Variants in PDGFRA observed in about 807,000 individuals in gnomAD.
PDGFRA encodes the protein platelet-derived growth factor receptor alpha.
Under a neutral mutation model 121.5 loss-of-function variants are expected in PDGFRA, and 25 were observed. The ratio of observed to expected loss-of-function variants is 0.21; its 90% CI spans 0.15 to 0.29. PDGFRA has a LOEUF of 0.29. PDGFRA is among the 10% of genes least tolerant of loss of function. The pLI is 1.00. For synonymous variants in PDGFRA, 463 were observed against 494.8 expected, an observed-to-expected ratio of 0.94 and a Z score of 0.85; for missense variants, 1,008 against 1,345.1, an observed-to-expected ratio of 0.75 and a Z score of 3.92.
chr4:54,261,921 ATATATATATATT>A (rs1265336776), intron 3 of PDGFRA, among the ~76,000 whole-genome samples: 2 of 69,190 alleles, frequency 2.9e-5, no homozygotes, highest in African/African-American at 5.5e-5. Flanking sequence ...ATATATATAT[ATATATATATATT>A]TTTTTTTTTT....
At chr4:54,272,357 G>A (rs752141682) in intron 8 of PDGFRA, 37 bp from the exon 9 acceptor site, 12 of 1,612,080 alleles carry the variant, frequency 7.4e-6, no homozygotes, top group East Asian at 2.2e-5. Flanking sequence ...TCTGGGACAC[G>A]AGCTATTCCA....
chr4:54,257,543 G>T (rs1722438340), intron 1 of PDGFRA, among the ~76,000 whole-genome samples: 1 of 152,172 alleles, frequency 6.6e-6, no homozygotes, highest in African/African-American at 2.4e-5. Context: ...CCCAGGCCAA[G>T]ACTAACATGG....
Position 54,278,482 on chromosome 4 carries a change from T to C in PDGFRA, c.2123T>C (p.Phe708Ser), listed in dbSNP as rs781356492. ...PEKPKKELDI[F>S]GLNPADESTR... The stretch of plus-strand genomic sequence containing the variant: ...AAGCCAAAGAAAGAGCTGGATATCT[T>C]TGGATTGAACCCTGCTGATGAAAGC... Residue 708 changes from phenylalanine (F) to serine (S), a missense_variant, in exon 15 of 23, where the codon TTT becomes TCT. Physicochemically the swap from Phe to Ser is radical, Grantham distance 155. Transcript: ENST00000257290. 8.7e-6 allele frequency: 14 copies of C among 1,614,076 alleles called. No individual in the cohort carries two copies. Among genetic ancestry groups the C allele is most frequent in the East Asian group, 2.2e-5 (1 of 44,866 alleles).
At chr4:54,277,350 T>C (rs373581563) in intron 12 of PDGFRA, 38 bp from the exon 13 acceptor site, 16 of 1,422,182 alleles carry the variant, frequency 1.1e-5, no homozygotes, top group East Asian at 4.5e-5. Context: ...AGGAGGCGTC[T>C]GGAGTTTTTG....
chr4:54,272,500 G>C lies in PDGFRA; in HGVS notation c.1344G>C (p.Met448Ile), dbSNP rs769740571. ...CGCCGCTTCCTGATATTGAGTGGAT[G>C]ATATGCAAAGATATTAAGAAGTATG... ...EGTPLPDIEW[M>I]ICKDIKKCNN... is the part of the protein sequence containing the mutation. Residue 448 changes from methionine to isoleucine, a missense_variant, in exon 9 of 23, where the codon ATG (methionine) becomes ATC (isoleucine). Around this residue, in one of 5 missense-constraint regions of PDGFRA, gnomAD observed 575 missense variants for 701.8 expected, o/e 0.82. Transcript: ENST00000257290. 1 of 1,614,026 alleles carries C rather than the reference G, an allele frequency of 6.2e-7. No homozygotes were observed.
rs1189475456 is a variant in PDGFRA at position 54,230,172 on chromosome 4, G to T, written c.-13+757G>T. 99 of 155,138 alleles carry T rather than the reference G, an allele frequency of 6.4e-4. 3 individuals are homozygous for T. Among genetic ancestry groups the T allele is most frequent in the Non-Finnish European group, 1.1e-4 (8 of 70,318 alleles). 9.6% of individuals were successfully genotyped at this position (155,138 alleles called of 1,614,324 possible). A position where few individuals can be genotyped will look rare whatever the true frequency, so the allele number is the denominator to read the frequency against. On this transcript the variant is annotated intron_variant, in intron 1 of 22. Transcript: ENST00000257290. Reference sequence around the variant, plus strand: ...GACAAGCAGAGGCGCGCGGGCGTGGGCAAGGGTTTGGGGCGCTCTGGAGCG... The same window carrying T: ...GACAAGCAGAGGCGCGCGGGCGTGGTCAAGGGTTTGGGGCGCTCTGGAGCG...
At position 54,285,837 on chromosome 4, in the gene PDGFRA, G is replaced by T. The variant is rs1161020062; in HGVS notation, c.2440-4G>T. 1.2e-6 allele frequency: 2 copies of T among 1,614,008 alleles called. No homozygotes were observed. The highest frequency in any genetic ancestry group is 8.5e-7 in the Non-Finnish European group (1 of 1,179,956). On this transcript the variant is annotated splice_polypyrimidine_tract_variant and splice_region_variant and intron_variant, in intron 17 of 22. Coordinates refer to ENST00000257290, the MANE Select transcript of PDGFRA (RefSeq NM_006206.6). Reference sequence around the variant, plus strand: ...CCTGAGTCATTTCTTCCTTTTCCATGCAGTGTGTCCACCGTGATCTGGCTG... The same window carrying T: ...CCTGAGTCATTTCTTCCTTTTCCATTCAGTGTGTCCACCGTGATCTGGCTG...
chr4:54,292,070 G>A (rs960455152), intron 22 of PDGFRA, among the ~76,000 whole-genome samples: 5 of 152,202 alleles, frequency 3.3e-5, no homozygotes, highest in African/African-American at 1.2e-4. Context: ...AATGTTGGTT[G>A]GAGTGTAAAT....
intron 1 of PDGFRA, among the ~76,000 whole-genome samples, chr4:54,254,128 C>T (rs1358664502): frequency 4.6e-5 from 7 of 152,186 alleles, no homozygotes; most frequent in Non-Finnish European, 1.0e-4. Flanking sequence ...GTGACAGGAA[C>T]AGCAAGACTC....
rs371204487 is a variant in PDGFRA at position 54,262,456 on chromosome 4, G to A, written c.367+1044G>A. On this transcript the variant is annotated intron_variant, in intron 3 of 22. Coordinates refer to ENST00000257290, the MANE Select transcript of PDGFRA (RefSeq NM_006206.6). ...AGTTGGGTAAATTAAAAAGGACTAT[G>A]GCTAGAATCCTTGGTTTTAGAACAA... Among the ~76,000 whole-genome samples, 9 of 152,214 alleles carry A rather than the reference G, an allele frequency of 5.9e-5. No homozygotes were observed. In the South Asian group the frequency reaches 6.2e-4, roughly 11 times the overall value.
At chr4:54,254,639 G>A (rs1235101046) in intron 1 of PDGFRA, among the ~76,000 whole-genome samples, 2 of 152,176 alleles carry the variant, frequency 1.3e-5, no homozygotes, top group Non-Finnish European at 2.9e-5. Flanking sequence ...AAGCCACGAC[G>A]ACATCAAGCT....
In PDGFRA at chr4:54,272,401, A is replaced by T; in HGVS notation, c.1245A>T (p.Ser415=). Residue 415 remains serine, a synonymous_variant, in exon 9 of 23, where the codon TCA becomes TCT. Transcript: ENST00000257290. ...YTFELLTQVP[S]SILDLVDDHH... The stretch of plus-strand genomic sequence containing the variant: ...TCTTTCTGCCTCTTGCAGTTCCTTC[A>T]TCCATTCTGGACTTGGTCGATGATC... 6.2e-7 allele frequency: 1 copy of T among 1,613,940 alleles called. No homozygotes were observed. Among genetic ancestry groups the T allele is most frequent in the Non-Finnish European group, 8.5e-7 (1 of 1,179,978 alleles).
chr4:54,236,359 G>A (rs1295385432), intron 1 of PDGFRA, among the ~76,000 whole-genome samples: 1 of 152,190 alleles, frequency 6.6e-6, no homozygotes, highest in Admixed American at 6.5e-5. Flanking sequence ...GGCAGGAACA[G>A]CAAGACTCAC....
chr4:54,286,863 C>G (rs1724389252), intron 18 of PDGFRA, among the ~76,000 whole-genome samples: 1 of 152,176 alleles, frequency 6.6e-6, no homozygotes, highest in South Asian at 2.1e-4. Context: ...ACCATTCTTC[C>G]CATCCCTTCC....
At chr4:54,289,792 C>G (rs1724534684) in intron 21 of PDGFRA, among the ~76,000 whole-genome samples, 1 of 152,220 alleles carries the variant, frequency 6.6e-6, no homozygotes, top group African/African-American at 2.4e-5. Context: ...CTACAACTTT[C>G]ACAGGTGAGG....
At chr4:54,234,524 A>AT (rs1460235675) in intron 1 of PDGFRA, among the ~76,000 whole-genome samples, 1 of 151,902 alleles carries the variant, frequency 6.6e-6, no homozygotes, top group African/African-American at 2.4e-5. Context: ...TTTTTTATTT[A>AT]TTTTTTGCTC....
chr4:54,246,370 T>C (rs1371597840), intron 1 of PDGFRA, among the ~76,000 whole-genome samples: 1 of 152,188 alleles, frequency 6.6e-6, no homozygotes, highest in Non-Finnish European at 1.5e-5. Flanking sequence ...AAACTGTCTC[T>C]CAGACCACAG....
intron 7 of PDGFRA, among the ~76,000 whole-genome samples, 167 bp downstream of exon 7, chr4:54,267,908 G>T (rs1723132801): frequency 6.6e-6 from 1 of 152,126 alleles, no homozygotes; most frequent in African/African-American, 2.4e-5. Flanking sequence ...ATTGCAAAGT[G>T]GTATTAGTAT....
intron 1 of PDGFRA, among the ~76,000 whole-genome samples, chr4:54,236,880 G>T (rs1185941811): frequency 6.6e-6 from 1 of 152,178 alleles, no homozygotes; most frequent in Non-Finnish European, 1.5e-5. Context: ...GGGAACCACT[G>T]TTATCAGAGA....
Sources: allele counts gnomAD v4.1 joint callset (sites outside exome capture counted in the v4.1 genomes callset), GRCh38; gene constraint gnomAD v4.1.1; regional missense constraint gnomAD v4.1.1; transcripts MANE v1.5; gene names NCBI Gene and HGNC (gene_info 2026-07-23, HGNC 2026-07-21).